GRIA4: variants seen among roughly 807,000 people sequenced by gnomAD.
GRIA4 encodes the protein glutamate ionotropic receptor AMPA type subunit 4.
GRIA4 carries 34 observed loss-of-function variants against 104.0 expected under a neutral mutation model. The observed-to-expected ratio is 0.33, with a 90% CI of 0.25 to 0.44. The LOEUF is 0.44. Ranked by LOEUF, GRIA4 falls within the 20% of genes least tolerant of loss-of-function variation. The probability of loss-of-function intolerance (pLI) is 1.00; values close to 1 mark genes in which losing one functional copy is unlikely to be tolerated. For missense variants in GRIA4, 750 were observed against 1,096.5 expected (o/e 0.68, Z 4.46); for synonymous variants, 386 against 381.9 (o/e 1.01, Z -0.13).
At chr11:105,856,463 T>G (rs918202370) in intron 4 of GRIA4, among the ~76,000 whole-genome samples, 1 of 152,102 alleles carries the variant, frequency 6.6e-6, no homozygotes, top group Non-Finnish European at 1.5e-5. Context: ...TGACCTGCTA[T>G]GCAAGATAAA....
intron 3 of GRIA4, among the ~76,000 whole-genome samples, chr11:105,620,984 TG>T (rs1950729486): frequency 6.6e-6 from 1 of 151,798 alleles, no homozygotes; most frequent in Non-Finnish European, 1.5e-5. Flanking sequence ...ATCTCAAAAT[TG>T]CTCATTTTTA....
At chr11:105,939,400 A>C (rs944063748) in intron 14 of GRIA4, among the ~76,000 whole-genome samples, 2 of 152,200 alleles carry the variant, frequency 1.3e-5, no homozygotes, top group Non-Finnish European at 2.9e-5. Context: ...AAATTTGACA[A>C]GATAAACTGC....
intron 4 of GRIA4, among the ~76,000 whole-genome samples, chr11:105,811,956 C>T (rs1466858090): frequency 6.6e-6 from 1 of 152,156 alleles, no homozygotes; most frequent in Admixed American, 6.5e-5. Flanking sequence ...CACCTCCTCC[C>T]CTCTCCCCCA....
intron 3 of GRIA4, among the ~76,000 whole-genome samples, chr11:105,736,978 T>A (rs1211516583): frequency 6.6e-6 from 1 of 152,082 alleles, no homozygotes; most frequent in Non-Finnish European, 1.5e-5. Flanking sequence ...AAATTATTAG[T>A]AGTATAATTT....
chr11:105,825,603 A>T (rs1192909914), intron 4 of GRIA4, among the ~76,000 whole-genome samples: 2 of 152,060 alleles, frequency 1.3e-5, no homozygotes, highest in Admixed American at 6.6e-5. Flanking sequence ...ACAGTAATTT[A>T]CAAGAGCATG....
intron 3 of GRIA4, among the ~76,000 whole-genome samples, chr11:105,618,268 G>A (rs1950651002): frequency 6.6e-6 from 1 of 151,956 alleles, no homozygotes; most frequent in Non-Finnish European, 1.5e-5. Flanking sequence ...AATGACATTA[G>A]CAAACTTATG....
At chr11:105,726,874 C>A (rs190764838) in intron 3 of GRIA4, among the ~76,000 whole-genome samples, 1 of 152,064 alleles carries the variant, frequency 6.6e-6, no homozygotes, top group East Asian at 1.9e-4. Context: ...AAAACTCCAT[C>A]CAAAGGTCAC....
In GRIA4 at chr11:105,719,416, A is replaced by T. The variant is rs1021741902; in HGVS notation, c.248-33565A>T. 5.9e-5 allele frequency among the ~76,000 whole-genome samples: 9 copies of T among 152,264 alleles called. No individual in the cohort carries two copies. In the South Asian group the frequency reaches 1.9e-3, roughly 32 times the overall value. ...TCAAATTAGTAATCTTTCTTTGTGC[A>T]TATGTCTGCTTTAAATTTTCTGAAT... On this transcript the variant is annotated intron_variant, in intron 3 of 16. Transcript: ENST00000282499.
chr11:105,923,168 G>T (rs1174782665), intron 11 of GRIA4, among the ~76,000 whole-genome samples: 1 of 152,094 alleles, frequency 6.6e-6, no homozygotes, highest in Non-Finnish European at 1.5e-5. Context: ...GTAAGAATTT[G>T]TATGTCTGAG....
intron 3 of GRIA4, among the ~76,000 whole-genome samples, chr11:105,657,496 A>G (rs950138125): frequency 6.6e-6 from 1 of 152,016 alleles, no homozygotes; most frequent in African/African-American, 2.4e-5. Context: ...TTCAATGCAC[A>G]TTGGTCTTCT....
At chr11:105,701,703 G>A (rs1331120964) in intron 3 of GRIA4, among the ~76,000 whole-genome samples, 1 of 152,038 alleles carries the variant, frequency 6.6e-6, no homozygotes, top group Non-Finnish European at 1.5e-5. Flanking sequence ...ACTTCCACTT[G>A]GCCTCTTCCA....
chr11:105,872,728 T>C (rs1359930041), intron 5 of GRIA4, among the ~76,000 whole-genome samples: 1 of 152,124 alleles, frequency 6.6e-6, no homozygotes, highest in Non-Finnish European at 1.5e-5. Context: ...AATTAGATAT[T>C]TGACTTTCTG....
At chr11:105,847,443 C>T (rs1041293616) in intron 4 of GRIA4, among the ~76,000 whole-genome samples, 1 of 152,142 alleles carries the variant, frequency 6.6e-6, no homozygotes, top group Non-Finnish European at 1.5e-5. Flanking sequence ...AATATATCAG[C>T]AACTTAAGGG....
intron 3 of GRIA4, among the ~76,000 whole-genome samples, chr11:105,713,832 G>A (rs1486469992): frequency 6.6e-6 from 1 of 152,124 alleles, no homozygotes; most frequent in Non-Finnish European, 1.5e-5. Context: ...GTAACAAAAG[G>A]ACAATTCAAA....
intron 5 of GRIA4, 154 bp downstream of exon 5, chr11:105,862,362 CA>C: frequency 1.7e-6 from 1 of 582,582 alleles, no homozygotes; most frequent in Non-Finnish European, 3.0e-6. Context: ...GACCAAATCA[CA>C]ATCTTTTATC....
intron 4 of GRIA4, among the ~76,000 whole-genome samples, chr11:105,768,751 T>C (rs761517101): frequency 3.9e-5 from 6 of 152,042 alleles, no homozygotes; most frequent in South Asian, 2.1e-4. Context: ...TCATAGATTA[T>C]TTGCTATGTG....
chr11:105,711,750 G>C (rs1162870661), intron 3 of GRIA4, among the ~76,000 whole-genome samples: 1 of 152,116 alleles, frequency 6.6e-6, no homozygotes, highest in Non-Finnish European at 1.5e-5. Flanking sequence ...TATAAGTAAT[G>C]TTGTGGCTAC....
intron 7 of GRIA4, among the ~76,000 whole-genome samples, chr11:105,899,599 A>G (rs879713412): frequency 1.3e-5 from 2 of 152,226 alleles, no homozygotes; most frequent in African/African-American, 2.4e-5. Flanking sequence ...CAGTACAATT[A>G]GTTCTTATTA....
At chr11:105,850,637 G>A (rs1309724141) in intron 4 of GRIA4, among the ~76,000 whole-genome samples, 1 of 152,152 alleles carries the variant, frequency 6.6e-6, no homozygotes, top group African/African-American at 2.4e-5. Flanking sequence ...GTATTCTGAA[G>A]AAAGAAACTG....
Sources: allele counts gnomAD v4.1 joint callset (sites outside exome capture counted in the v4.1 genomes callset), GRCh38; gene constraint gnomAD v4.1.1; transcripts MANE v1.5; gene names NCBI Gene and HGNC (gene_info 2026-07-23, HGNC 2026-07-21).